SLC35F3: variants seen among roughly 807,000 people sequenced by gnomAD.
SLC35F3 encodes putative thiamine transporter SLC35F3.
A neutral mutation model predicts 49.9 loss-of-function variants in SLC35F3; 25 were observed. The observed-to-expected ratio is 0.50, with a 90% confidence interval of 0.37 to 0.70. SLC35F3 has a LOEUF of 0.70. Among genes scored for constraint, SLC35F3 ranks in the 30% least tolerant of loss-of-function variants. The probability of loss-of-function intolerance (pLI) is 0.00; values close to 1 mark genes in which losing one functional copy is unlikely to be tolerated. For synonymous variants in SLC35F3, 275 were observed against 265.4 expected, an observed-to-expected ratio of 1.04 and a Z score of -0.35; for missense variants, 525 against 639.8, an observed-to-expected ratio of 0.82 and a Z score of 1.94.
At chr1:234,271,369 G>A (rs1482949626) in intron 3 of SLC35F3, among the ~76,000 whole-genome samples, 2 of 152,120 alleles carry the variant, frequency 1.3e-5, no homozygotes, top group Admixed American at 6.5e-5. Context: ...TTTTCAGATC[G>A]TTAAAAAGAA....
chr1:234,318,007 A>C (rs1002489088), intron 5 of SLC35F3, among the ~76,000 whole-genome samples: 1 of 152,238 alleles, frequency 6.6e-6, no homozygotes, highest in African/African-American at 2.4e-5. Context: ...TGCATTTTTC[A>C]GGAAATACAT....
chr1:234,214,547 C>A lies in SLC35F3; in HGVS notation c.284-16870C>A. The A allele has an allele frequency of 6.4e-7, 1 of 1,559,410 alleles. No individual in the cohort carries two copies. Among genetic ancestry groups the A allele is most frequent in the Non-Finnish European group, 8.7e-7 (1 of 1,155,260 alleles). On this transcript the variant is annotated intron_variant, in intron 2 of 7. Transcript: ENST00000366618. This position sits in a 1 kb window ranked among gnomAD's most constrained non-coding sequence, Gnocchi z 8.0. ...GGCCCCGCTCAGCGCCTGCAACAGT[C>A]CGGTCCTGACCCTTACCAAAGTGGA...
At chr1:234,188,353 G>C (rs1471603284) in intron 2 of SLC35F3, among the ~76,000 whole-genome samples, 1 of 152,140 alleles carries the variant, frequency 6.6e-6, no homozygotes, top group Non-Finnish European at 1.5e-5. Context: ...GTGAGGTGGG[G>C]GGCAGGGGGC....
chr1:234,156,702 A>G (rs1337496464), intron 2 of SLC35F3, among the ~76,000 whole-genome samples: 1 of 152,200 alleles, frequency 6.6e-6, no homozygotes, highest in Non-Finnish European at 1.5e-5. Flanking sequence ...ATAGCCAAAA[A>G]GTAGAAATAC....
At chr1:234,154,904 AT>A (rs1666128663) in intron 2 of SLC35F3, among the ~76,000 whole-genome samples, 1 of 152,154 alleles carries the variant, frequency 6.6e-6, no homozygotes, top group Non-Finnish European at 1.5e-5. Context: ...TAAATCATCC[AT>A]CTATATCCGG....
intron 2 of SLC35F3, among the ~76,000 whole-genome samples, chr1:234,001,478 G>C (rs1275744473): frequency 6.6e-6 from 1 of 152,156 alleles, no homozygotes; most frequent in Non-Finnish European, 1.5e-5. Context: ...GCTAAGAAAA[G>C]TTTTCATTTA....
In SLC35F3 at chr1:233,951,404, C is replaced by T. The variant is rs568117141; in HGVS notation, c.283+45646C>T. Among the ~76,000 whole-genome samples the T allele has an allele frequency of 5.3e-5, 8 of 152,114 alleles. No individual in the cohort carries two copies. In the South Asian group the frequency reaches 1.5e-3, roughly 28 times the overall value. On this transcript the variant is annotated intron_variant, in intron 2 of 7. Transcript: ENST00000366618. Reference sequence around the variant, plus strand: ...GACTCACCCAGAGCAACTTCTAGTCCTGCAAGCTCCATTCATGGTAAGTGC... The same window carrying T: ...GACTCACCCAGAGCAACTTCTAGTCTTGCAAGCTCCATTCATGGTAAGTGC...
chr1:234,032,556 G>C (rs181449458), intron 2 of SLC35F3, among the ~76,000 whole-genome samples: 1 of 152,172 alleles, frequency 6.6e-6, no homozygotes, highest in Non-Finnish European at 1.5e-5. Context: ...TTATTCTTAT[G>C]CCTTTATGTC....
At chr1:234,081,884 C>T in intron 2 of SLC35F3, among the ~76,000 whole-genome samples, 1 of 142,458 alleles carries the variant, frequency 7.0e-6, no homozygotes, top group Non-Finnish European at 1.5e-5. Context: ...ACTACAGGCG[C>T]CTGCCACCAT....
At chr1:233,955,878 CTTTTTTTTTTTT>C (rs869035917) in intron 2 of SLC35F3, among the ~76,000 whole-genome samples, 4 of 48,130 alleles carry the variant, frequency 8.3e-5, no homozygotes, top group East Asian at 1.5e-3. Context: ...GTGTGGGTAT[CTTTTTTTTTTTT>C]TTTTTTTTTT....
chr1:234,227,247 A>G (rs1200256599), intron 2 of SLC35F3, among the ~76,000 whole-genome samples: 1 of 152,174 alleles, frequency 6.6e-6, no homozygotes, highest in Non-Finnish European at 1.5e-5. Context: ...AGGGATTGTT[A>G]GTGGGGAAGG....
intron 2 of SLC35F3, among the ~76,000 whole-genome samples, chr1:234,122,428 A>C (rs2102893937): frequency 6.6e-6 from 1 of 152,340 alleles, no homozygotes; most frequent in East Asian, 1.9e-4. Flanking sequence ...CTAGAAAATG[A>C]CTTCAAATGG....
chr1:234,271,821 A>G (rs987380666), intron 3 of SLC35F3, among the ~76,000 whole-genome samples: 2 of 152,154 alleles, frequency 1.3e-5, no homozygotes, highest in Non-Finnish European at 2.9e-5. Flanking sequence ...AGCTCCATTT[A>G]AGAAATGTGT....
intron 2 of SLC35F3, among the ~76,000 whole-genome samples, chr1:234,105,221 C>T (rs1190176515): frequency 6.6e-6 from 1 of 151,612 alleles, no homozygotes; most frequent in East Asian, 1.9e-4. Flanking sequence ...AAGGAATATT[C>T]TCCAATTCTC....
chr1:234,211,724 A>G (rs916324848), intron 2 of SLC35F3, among the ~76,000 whole-genome samples: 1 of 152,248 alleles, frequency 6.6e-6, no homozygotes, highest in Non-Finnish European at 1.5e-5. Context: ...ACAGGCTCAT[A>G]GGTGGAAGGG....
chr1:234,021,331 A>G lies in SLC35F3; in HGVS notation c.283+115573A>G, dbSNP rs1238581212. Among the ~76,000 whole-genome samples, 7 of 152,336 alleles carry G rather than the reference A, an allele frequency of 4.6e-5. 1 individual carries two copies. In the East Asian group the frequency reaches 1.2e-3, roughly 25 times the overall value. On this transcript the variant is annotated intron_variant, in intron 2 of 7. Coordinates refer to ENST00000366618, the MANE Select transcript of SLC35F3 (RefSeq NM_173508.4). ...AGGGATTTTGATATTGTGTTCTAAC[A>G]TAGACCCAGCATCCTCATGCTCCCT...
In SLC35F3 at chr1:234,214,817, C is replaced by G; in HGVS notation, c.284-16600C>G. ...CGAGTGAGCACCCGGCTCCCCAACC[C>G]TCTCCTTCCTGGGCAGCACCCAGCG... On this transcript the variant is annotated intron_variant, in intron 2 of 7. Coordinates refer to ENST00000366618, the MANE Select transcript of SLC35F3 (RefSeq NM_173508.4). The surrounding 1 kb of genome is among the most constrained non-coding windows in gnomAD (Gnocchi z 8.0). 1 of 468,436 alleles carries G rather than the reference C, an allele frequency of 2.1e-6. No homozygotes were observed. Among genetic ancestry groups the G allele is most frequent in the Non-Finnish European group, 3.7e-6 (1 of 271,206 alleles). 29.0% of individuals were successfully genotyped at this position (468,436 alleles called of 1,614,324 possible).
At position 233,998,041 on chromosome 1, in the gene SLC35F3, C is replaced by T. The variant is rs1037030146; in HGVS notation, c.283+92283C>T. Among the ~76,000 whole-genome samples, 9 of 152,174 alleles carry T rather than the reference C, an allele frequency of 5.9e-5. No homozygotes were observed. The South Asian group carries it at 6.2e-4, about 11-fold the overall frequency. ...TGCTGGGATTATAGGAGTGAGCCAC[C>T]GCGCCCAGCCCGTATTTTCTTCGAG... is the stretch of plus-strand genomic sequence containing the variant. On this transcript the variant is annotated intron_variant, in intron 2 of 7. Transcript: ENST00000366618.
chr1:234,148,021 G>T (rs1185320815), intron 2 of SLC35F3, among the ~76,000 whole-genome samples: 1 of 152,202 alleles, frequency 6.6e-6, no homozygotes. Flanking sequence ...GATTATAACG[G>T]CAAGAAGGGG....
Sources: gnomAD v4.1 joint callset for allele counts (sites outside exome capture counted in the v4.1 genomes callset) on GRCh38, gnomAD v4.1.1 for gene constraint, Gnocchi (gnomAD v3.1) non-coding constraint, MANE v1.5 for transcripts, NCBI Gene and HGNC (gene_info 2026-07-23, HGNC 2026-07-21) for gene names.